JARID2: variants seen among roughly 807,000 people sequenced by gnomAD.
JARID2 encodes the protein jumonji and AT-rich interaction domain containing 2.
Under a neutral mutation model 125.6 loss-of-function variants are expected in JARID2, and 21 were observed. The observed-to-expected ratio is 0.17, with a 90% CI of 0.12 to 0.24. JARID2 has a LOEUF of 0.24. Among genes scored for constraint, JARID2 ranks in the 10% least tolerant of loss-of-function variants. The probability of loss-of-function intolerance (pLI) is 1.00; values close to 1 mark genes in which losing one functional copy is unlikely to be tolerated. For synonymous variants in JARID2, 736 were observed against 661.6 expected (o/e 1.11, Z -1.73); for missense variants, 1,303 against 1,639.6 (o/e 0.79, Z 3.55).
chr6:15,420,171 G>A (rs1235926599), intron 3 of JARID2, among the ~76,000 whole-genome samples: 3 of 152,144 alleles, frequency 2.0e-5, no homozygotes, highest in Non-Finnish European at 4.4e-5. Context: ...TCGGGAGGCC[G>A]AGGCGGGTGG....
At chr6:15,396,378 C>G (rs1466848687) in intron 2 of JARID2, among the ~76,000 whole-genome samples, 1 of 152,178 alleles carries the variant, frequency 6.6e-6, no homozygotes, top group African/African-American at 2.4e-5. Context: ...AGGCAGAAGT[C>G]TTATGATTTT....
chr6:15,342,496 G>T (rs1190131020), intron 1 of JARID2, among the ~76,000 whole-genome samples: 1 of 151,952 alleles, frequency 6.6e-6, no homozygotes, highest in Admixed American at 6.6e-5. Context: ...CTAGCATTGG[G>T]GTATCTAATT....
At chr6:15,421,439 G>A (rs1766485843) in intron 3 of JARID2, among the ~76,000 whole-genome samples, 1 of 150,526 alleles carries the variant, frequency 6.6e-6, no homozygotes, top group South Asian at 2.1e-4. Context: ...AACAGCGTAA[G>A]TAAGCCCTGA....
rs1022769868 is a variant in JARID2, at chr6:15,520,494, GA to G, written c.*244del. On this transcript the variant is annotated 3_prime_UTR_variant, in exon 18 of 18. Transcript: ENST00000341776. ...TATAGTCACTGTTTTAAAAACCCCGGAGGGGCTGTATTAATTTGTATTGCCC... is the reference window on the plus strand; with the variant it reads ...TATAGTCACTGTTTTAAAAACCCCGGGGGGCTGTATTAATTTGTATTGCCC... 1 of 411,682 alleles carries G rather than the reference GA, an allele frequency of 2.4e-6. No individual in the cohort carries two copies. The highest frequency in any genetic ancestry group is 4.2e-5 in the Admixed American group (1 of 23,934). The allele number at this position is 411,682 out of a possible 1,614,324, so 25.5% of individuals were successfully genotyped here. A position where few individuals can be genotyped will look rare whatever the true frequency, so the allele number is the denominator to read the frequency against.
At chr6:15,355,466 A>G (rs1473420645) in intron 1 of JARID2, among the ~76,000 whole-genome samples, 1 of 152,238 alleles carries the variant, frequency 6.6e-6, no homozygotes, top group Non-Finnish European at 1.5e-5. Flanking sequence ...ACAGTATTTC[A>G]AAAGTAATTT....
intron 1 of JARID2, among the ~76,000 whole-genome samples, chr6:15,361,336 G>C (rs1410613630): frequency 6.6e-6 from 1 of 152,152 alleles, no homozygotes; most frequent in African/African-American, 2.4e-5. Context: ...ACTGCAGTCA[G>C]TGCTCAAAGT....
intron 1 of JARID2, among the ~76,000 whole-genome samples, chr6:15,354,047 A>G (rs918780422): frequency 2.1e-4 from 32 of 152,346 alleles, no homozygotes; most frequent in South Asian, 4.1e-4. Context: ...CAGCAAGTTC[A>G]GTCTTGTTCA....
chr6:15,308,310 G>C (rs1394266593), intron 1 of JARID2, among the ~76,000 whole-genome samples: 2 of 152,156 alleles, frequency 1.3e-5, no homozygotes, highest in African/African-American at 4.8e-5. Context: ...AAGTGATTCT[G>C]TGTGGAAATA....
At chr6:15,352,457 A>T (rs185190621) in intron 1 of JARID2, among the ~76,000 whole-genome samples, 308 of 152,348 alleles carry the variant, frequency 2.0e-3, no homozygotes, top group Non-Finnish European at 3.5e-3. Context: ...CCAGAGGACC[A>T]CATGACCACA....
intron 3 of JARID2, among the ~76,000 whole-genome samples, chr6:15,414,997 T>C (rs1228704046): frequency 6.6e-6 from 1 of 152,144 alleles, no homozygotes. Context: ...GTACTTGAGA[T>C]TAGGGAGTGG....
intron 1 of JARID2, among the ~76,000 whole-genome samples, chr6:15,370,966 T>G (rs1393636136): frequency 6.6e-6 from 1 of 152,218 alleles, no homozygotes; most frequent in Non-Finnish European, 1.5e-5. Context: ...GCATCAGCAT[T>G]GAGGGAGCAG....
At chr6:15,488,898 A>G (rs560398768) in intron 6 of JARID2, among the ~76,000 whole-genome samples, 28 of 152,240 alleles carry the variant, frequency 1.8e-4, no homozygotes, top group African/African-American at 6.7e-4. Flanking sequence ...GGGCCACACC[A>G]TGTGCTCACC....
intron 3 of JARID2, among the ~76,000 whole-genome samples, chr6:15,411,359 A>T (rs909004643): frequency 1.3e-5 from 2 of 152,244 alleles, no homozygotes; most frequent in Non-Finnish European, 2.9e-5. Flanking sequence ...TTCAGGACTG[A>T]AAGTTGAGAT....
Position 15,430,339 on chromosome 6 carries a change from C to A in JARID2, c.323+19974C>A, listed in dbSNP as rs186448395. On this transcript the variant is annotated intron_variant, in intron 3 of 17. Transcript: ENST00000341776. ...GAATATTTCAAGTATGTACAATTGA[C>A]CTCAATGTTAATTCATTTCGTTTAC... is the stretch of plus-strand genomic sequence containing the variant. 9.9e-5 allele frequency among the ~76,000 whole-genome samples: 15 copies of A among 152,228 alleles called. No individual in the cohort carries two copies. In the East Asian group the frequency reaches 2.1e-3, roughly 22 times the overall value.
intron 1 of JARID2, chr6:15,247,749 A>G: frequency 1.0e-6 from 1 of 985,400 alleles, no homozygotes; most frequent in Non-Finnish European, 1.2e-6. Context: ...GCTGATCCTT[A>G]TCTAGACACG....
chr6:15,433,408 C>CTG (rs1414027038), intron 3 of JARID2, among the ~76,000 whole-genome samples: 109 of 93,576 alleles, frequency 1.2e-3, no homozygotes, highest in African/African-American at 2.1e-3. Flanking sequence ...CCCCATGTCT[C>CTG]TCTGTGTGTG....
rs937228734 is a variant in JARID2 at position 15,520,929 on chromosome 6, G to A, written c.*678G>A. 1.6e-5 allele frequency: 7 copies of A among 428,552 alleles called. No homozygotes were observed. The highest frequency in any genetic ancestry group is 7.4e-5 in the East Asian group (1 of 13,576). The allele number at this position is 428,552 out of a possible 1,614,324, so 26.5% of individuals were successfully genotyped here. A position where few individuals can be genotyped will look rare whatever the true frequency, so the allele number is the denominator to read the frequency against. ...GTTCCAGGAAAGAAGAAAAGCGAGC[G>A]AGGAAGACGGAAAAGACTGCCTGCC... On this transcript the variant is annotated 3_prime_UTR_variant, in exon 18 of 18. Coordinates refer to ENST00000341776, the MANE Select transcript of JARID2 (RefSeq NM_004973.4).
chr6:15,441,078 G>A (rs1389880055), intron 3 of JARID2, among the ~76,000 whole-genome samples: 1 of 152,184 alleles, frequency 6.6e-6, no homozygotes, highest in Non-Finnish European at 1.5e-5. Flanking sequence ...GCTAGATGTT[G>A]TGGGTTTTCT....
chr6:15,249,104 G>A (rs552182148), intron 1 of JARID2: 1 of 227,418 alleles, frequency 4.4e-6, no homozygotes, highest in Admixed American at 6.5e-5. Flanking sequence ...GTCTCCTGAT[G>A]GTGTTGCATT....
Sources: gnomAD v4.1 joint callset for allele counts (sites outside exome capture counted in the v4.1 genomes callset) on GRCh38, gnomAD v4.1.1 for gene constraint, MANE v1.5 for transcripts, NCBI Gene and HGNC (gene_info 2026-07-23, HGNC 2026-07-21) for gene names.